The following SERPINI1 variants were observed in gnomAD, a reference collection of about 807,000 sequenced individuals.
The protein encoded by SERPINI1 is neuroserpin.
SERPINI1 carries 19 observed loss-of-function variants against 41.1 expected under a neutral mutation model. That is an observed-to-expected ratio of 0.46 (90% CI 0.32 to 0.68). The LOEUF (loss-of-function observed/expected upper bound fraction) is 0.68, where lower values mean the gene tolerates loss of function less well. Among genes scored for constraint, SERPINI1 ranks in the 30% least tolerant of loss-of-function variants. SERPINI1 has a pLI of 0.03. For synonymous variants in SERPINI1, 138 were observed against 156.6 expected, an observed-to-expected ratio of 0.88 and a Z score of 0.89; for missense variants, 460 against 479.2, an observed-to-expected ratio of 0.96 and a Z score of 0.37.
chr3:167,752,769 T>C (rs1054658232), intron 1 of SERPINI1, among the ~76,000 whole-genome samples: 6 of 152,064 alleles, frequency 3.9e-5, no homozygotes, highest in Admixed American at 2.0e-4. Flanking sequence ...CATTGTATTA[T>C]TTCAGTTCTT....
chr3:167,794,750 A>G lies in SERPINI1; in HGVS notation c.807A>G (p.Pro269=), dbSNP rs1251322197. Reference sequence around the variant, plus strand: ...AAGTTCCTCTTGCTACTCTGGAGCCATTAGTCAAAGCACAGCTGGTTGAAG... The same window carrying G: ...AAGTTCCTCTTGCTACTCTGGAGCCGTTAGTCAAAGCACAGCTGGTTGAAG... ...RQEVPLATLE[P]LVKAQLVEEW... Residue 269 remains proline, a synonymous_variant, in exon 5 of 9, where the codon CCA becomes CCG. Transcript: ENST00000446050. The G allele has an allele frequency of 6.2e-7, 1 of 1,613,712 alleles. No homozygotes were observed. Among genetic ancestry groups the G allele is most frequent in the Admixed American group, 1.7e-5 (1 of 59,864 alleles).
chr3:167,771,818 A>AGT (rs35800972), intron 1 of SERPINI1, among the ~76,000 whole-genome samples: 46 of 147,818 alleles, frequency 3.1e-4, no homozygotes, highest in African/African-American at 8.5e-4. Flanking sequence ...ACTGTGTGTG[A>AGT]GTGTGTGTGT....
chr3:167,796,257 AT>A (rs1448489200), intron 5 of SERPINI1, among the ~76,000 whole-genome samples: 1 of 151,840 alleles, frequency 6.6e-6, no homozygotes, highest in African/African-American at 2.4e-5. Context: ...ATAATATGGA[AT>A]ATTATGTTAT....
At chr3:167,739,129 T>A (rs867431060) in intron 1 of SERPINI1, among the ~76,000 whole-genome samples, 12 of 150,178 alleles carry the variant, frequency 8.0e-5, no homozygotes, top group East Asian at 3.9e-4. Context: ...TTTTTTTTTT[T>A]AAATCTTAAA....
intron 3 of SERPINI1, 91 bp from the exon 4 acceptor site, chr3:167,792,499 A>T (rs1424243652): frequency 1.9e-6 from 2 of 1,026,810 alleles, no homozygotes; most frequent in East Asian, 5.0e-5. Flanking sequence ...TCTCTGGACC[A>T]CTCTATCAGA....
Position 167,771,465 on chromosome 3 carries a change from A to G in SERPINI1, c.-18-17646A>G, listed in dbSNP as rs138175177. On this transcript the variant is annotated intron_variant, in intron 1 of 8. Transcript: ENST00000446050. ...TTCTGTAAGAAAAGGGACCATACAT[A>G]TACTGTATATACATAAGATATCTCT... 1.6e-3 allele frequency among the ~76,000 whole-genome samples: 238 copies of G among 152,338 alleles called. 2 individuals are homozygous for G. Among genetic ancestry groups the G allele is most frequent in the Admixed American group, 4.9e-3 (75 of 15,302 alleles).
intron 1 of SERPINI1, among the ~76,000 whole-genome samples, chr3:167,739,582 G>A (rs1468419267): frequency 1.3e-5 from 2 of 152,150 alleles, no homozygotes; most frequent in African/African-American, 2.4e-5. Context: ...TGGCACTTAA[G>A]GTCTTAATTT....
chr3:167,808,784 T>C (rs1403374683), intron 6 of SERPINI1, among the ~76,000 whole-genome samples: 1 of 152,166 alleles, frequency 6.6e-6, no homozygotes, highest in Non-Finnish European at 1.5e-5. Flanking sequence ...GTGCACACAA[T>C]GCATCTGCAC....
intron 1 of SERPINI1, among the ~76,000 whole-genome samples, chr3:167,748,596 A>G (rs78692469): frequency 0.016 from 2,479 of 152,294 alleles, 67 homozygotes; most frequent in African/African-American, 0.057. Context: ...TGGACTTTGG[A>G]AGAAATGGAG....
intron 6 of SERPINI1, among the ~76,000 whole-genome samples, chr3:167,811,900 G>A (rs976598522): frequency 1.2e-4 from 19 of 152,064 alleles, no homozygotes; most frequent in Non-Finnish European, 2.6e-4. Context: ...ATCACCCAGA[G>A]AATAATTCAG....
At chr3:167,772,740 C>A (rs556526396) in intron 1 of SERPINI1, among the ~76,000 whole-genome samples, 2 of 146,682 alleles carry the variant, frequency 1.4e-5, no homozygotes, top group African/African-American at 5.0e-5. Context: ...GTGGAGTGTA[C>A]CTATAGTATC....
rs1397408898 is a variant in SERPINI1 at position 167,794,667 on chromosome 3, C to T, written c.724C>T (p.Leu242=). The T allele has an allele frequency of 3.1e-6, 5 of 1,613,496 alleles. No individual in the cohort carries two copies. The highest frequency in any genetic ancestry group is 4.2e-6 in the Non-Finnish European group (5 of 1,179,762). ...SNEAGGIYQV[L]EIPYEGDEIS... is the part of the protein sequence containing the mutation. ...TGAAGCTGGTGGTATCTACCAAGTC[C>T]TAGAAATACCATATGAAGGAGATGA... The change falls in exon 5 of 9, where the codon CTA becomes TTA. Residue 242 remains leucine (L), a synonymous_variant. Transcript: ENST00000446050.
At chr3:167,773,420 A>C (rs1726857438) in intron 1 of SERPINI1, among the ~76,000 whole-genome samples, 1 of 147,924 alleles carries the variant, frequency 6.8e-6, no homozygotes, top group African/African-American at 2.6e-5. Context: ...TATTTCCCCT[A>C]CTTTTTTTCA....
intron 1 of SERPINI1, among the ~76,000 whole-genome samples, chr3:167,760,704 G>A (rs551611113): frequency 1.1e-4 from 17 of 151,918 alleles, no homozygotes; most frequent in African/African-American, 3.4e-4. Context: ...CAAAGATTAC[G>A]CAATTCAGAT....
chr3:167,788,035 ATGT>A (rs990792681), intron 1 of SERPINI1, among the ~76,000 whole-genome samples: 3 of 152,228 alleles, frequency 2.0e-5, no homozygotes, highest in Admixed American at 2.0e-4. Flanking sequence ...ATCACTTGAC[ATGT>A]TGTTTTAGTG....
intron 1 of SERPINI1, among the ~76,000 whole-genome samples, chr3:167,738,484 A>G (rs185929224): frequency 1.2e-3 from 188 of 152,250 alleles, no homozygotes; most frequent in African/African-American, 4.4e-3. Context: ...AGAAGGATAC[A>G]GGGGAATAGA....
chr3:167,737,384 T>G (rs1725500829), intron 1 of SERPINI1, among the ~76,000 whole-genome samples: 1 of 152,132 alleles, frequency 6.6e-6, no homozygotes, highest in Non-Finnish European at 1.5e-5. Flanking sequence ...GCTGCTAAAC[T>G]TAACCACTAT....
chr3:167,814,054 C>T (rs1711984824), intron 6 of SERPINI1, among the ~76,000 whole-genome samples: 1 of 152,198 alleles, frequency 6.6e-6, no homozygotes, highest in African/African-American at 2.4e-5. Context: ...CTCTGAGACC[C>T]ACCTTTCTGA....
At chr3:167,745,500 G>A (rs1725836363) in intron 1 of SERPINI1, among the ~76,000 whole-genome samples, 1 of 151,968 alleles carries the variant, frequency 6.6e-6, no homozygotes. Flanking sequence ...TTCCCTTTAA[G>A]ATCAGGAATA....
Sources: allele counts gnomAD v4.1 joint callset (sites outside exome capture counted in the v4.1 genomes callset), GRCh38; gene constraint gnomAD v4.1.1; transcripts MANE v1.5; gene names NCBI Gene and HGNC (gene_info 2026-07-23, HGNC 2026-07-21).